Variants in POLE2 observed in about 807,000 individuals in gnomAD.
The protein encoded by POLE2 is DNA polymerase epsilon subunit 2.
POLE2 carries 56 observed loss-of-function variants against 79.4 expected under a neutral mutation model. The ratio of observed to expected loss-of-function variants is 0.71; its 90% CI spans 0.57 to 0.88. The LOEUF is 0.88. Among genes scored for constraint, POLE2 ranks in the 40% least tolerant of loss-of-function variants. The pLI, the probability that POLE2 is intolerant of heterozygous loss-of-function variation, is 0.00. For synonymous variants in POLE2, 212 were observed against 214.0 expected (o/e 0.99, Z 0.08); for missense variants, 598 against 638.9 (o/e 0.94, Z 0.69).
At chr14:49,674,624 T>C (rs1224090171) in intron 3 of POLE2, among the ~76,000 whole-genome samples, 197 bp from the exon 4 acceptor site, 1 of 152,216 alleles carries the variant, frequency 6.6e-6, no homozygotes, top group African/African-American at 2.4e-5. Context: ...TAGAGTGCAA[T>C]GGTGGGATAT....
At chr14:49,654,620 C>T (rs963617229) in intron 13 of POLE2, among the ~76,000 whole-genome samples, 164 bp downstream of exon 13, 1 of 152,110 alleles carries the variant, frequency 6.6e-6, no homozygotes, top group African/African-American at 2.4e-5. Flanking sequence ...TCATTATAAA[C>T]CTCTAGTACA....
At chr14:49,644,317 C>A (rs111231728) in intron 18 of POLE2, among the ~76,000 whole-genome samples, 113 of 150,906 alleles carry the variant, frequency 7.5e-4, no homozygotes, top group African/African-American at 2.6e-3. Flanking sequence ...TCGAGACCAG[C>A]CTGACCAACT....
At chr14:49,648,244 G>C (rs1883933959) in intron 17 of POLE2, among the ~76,000 whole-genome samples, 1 of 152,192 alleles carries the variant, frequency 6.6e-6, no homozygotes, top group African/African-American at 2.4e-5. Flanking sequence ...CCAACACCTA[G>C]CCTATGGCAG....
intron 6 of POLE2, 31 bp downstream of exon 6, chr14:49,669,493 A>C: frequency 9.9e-7 from 1 of 1,015,040 alleles, no homozygotes; most frequent in Non-Finnish European, 1.6e-6. Flanking sequence ...ACACACTTAT[A>C]CCCCCTACAT....
rs60811856 is a variant in POLE2 at position 49,687,300 on chromosome 14, CCACACACACACACACA to C, written c.68+820_68+835del. Among the ~76,000 whole-genome samples, 473 of 139,830 alleles carry C rather than the reference CCACACACACACACACA, an allele frequency of 3.4e-3. 3 individuals carry two copies. The highest frequency in any genetic ancestry group is 0.012 in the African/African-American group (454 of 37,510). The allele number at this position is 139,830 out of a possible 152,430, so 91.7% of individuals were successfully genotyped here. ...ATACATATATATATATACACACACA[CCACACACACACACACA>C]CACACACACACACACACACACGTAC... On this transcript the variant is annotated intron_variant, in intron 1 of 18. Transcript: ENST00000216367.
At chr14:49,653,285 G>C (rs992159443) in intron 15 of POLE2, among the ~76,000 whole-genome samples, 2 of 152,206 alleles carry the variant, frequency 1.3e-5, no homozygotes, top group Non-Finnish European at 2.9e-5. Context: ...GCCAGCAAAG[G>C]AGTGAATGTA....
intron 17 of POLE2, among the ~76,000 whole-genome samples, chr14:49,649,009 G>A (rs1386205804): frequency 6.6e-6 from 1 of 151,806 alleles, no homozygotes; most frequent in Admixed American, 6.6e-5. Context: ...AAATTCACAA[G>A]AATCAAGGAA....
Position 49,655,023 on chromosome 14 carries a change from G to C in POLE2, c.1000C>G (p.Gln334Glu). The C allele has an allele frequency of 6.3e-7, 1 of 1,575,066 alleles. No homozygotes were observed. The highest frequency in any genetic ancestry group is 2.3e-5 in the East Asian group (1 of 43,086). The change falls in exon 12 of 19, where the codon CAA becomes GAA. Residue 334 changes from glutamine (Q) to glutamate (E), a missense_variant. Coordinates refer to ENST00000216367, the MANE Select transcript of POLE2 (RefSeq NM_002692.4). ...TTAATACCTTTCAAAGCTTGAACTT[G>C]ATTTTTTCCATATGGTGCAGATGAA... ...NFSSAPYGKN[Q>E]VQALKDSLKT...
intron 9 of POLE2, among the ~76,000 whole-genome samples, chr14:49,663,703 G>A (rs1885256629): frequency 6.6e-6 from 1 of 151,968 alleles, no homozygotes; most frequent in African/African-American, 2.4e-5. Flanking sequence ...TTGAGGTATC[G>A]TTCACATACT....
At chr14:49,644,902 C>T (rs752543355) in intron 18 of POLE2, among the ~76,000 whole-genome samples, 9 of 151,698 alleles carry the variant, frequency 5.9e-5, no homozygotes, top group Non-Finnish European at 1.3e-4. Context: ...ATCAGCCAGG[C>T]GTGGTGGCAT....
intron 1 of POLE2, 152 bp downstream of exon 1, chr14:49,687,984 C>T (rs1304209509): frequency 1.6e-6 from 1 of 640,010 alleles, no homozygotes; most frequent in African/African-American, 1.9e-5. Flanking sequence ...AAGCGTGAGC[C>T]ACCGCGCCCG....
intron 18 of POLE2, among the ~76,000 whole-genome samples, chr14:49,644,779 C>T (rs1883640527): frequency 6.6e-6 from 1 of 151,930 alleles, no homozygotes; most frequent in Admixed American, 6.6e-5. Context: ...GTGGCTCATG[C>T]CTGTAATCCC....
chr14:49,667,212 T>C (rs1885552796), intron 6 of POLE2, among the ~76,000 whole-genome samples: 1 of 150,748 alleles, frequency 6.6e-6, no homozygotes, highest in African/African-American at 2.4e-5. Context: ...AACAAAAAAC[T>C]TTCCATCTTT....
At chr14:49,654,920 C>T in intron 12 of POLE2, 82 bp from the exon 13 acceptor site, 1 of 1,372,412 alleles carries the variant, frequency 7.3e-7, no homozygotes, top group East Asian at 2.8e-5. Flanking sequence ...CCTGTATATT[C>T]TTAATTAAAA....
chr14:49,688,086 C>T (rs371050961), intron 1 of POLE2, 50 bp downstream of exon 1: 1 of 1,415,060 alleles, frequency 7.1e-7, no homozygotes, highest in Middle Eastern at 1.7e-4. Flanking sequence ...ACCAGGCAGA[C>T]GGGCCCCAGC....
intron 2 of POLE2, among the ~76,000 whole-genome samples, chr14:49,682,586 G>A (rs1276088635): frequency 4.5e-5 from 6 of 132,514 alleles, no homozygotes; most frequent in East Asian, 2.3e-4. Flanking sequence ...GCAGTGAGCC[G>A]AAATAGCACC....
chr14:49,683,006 C>T (rs921612493), intron 2 of POLE2, among the ~76,000 whole-genome samples: 1 of 152,130 alleles, frequency 6.6e-6, no homozygotes, highest in Non-Finnish European at 1.5e-5. Flanking sequence ...GTGCAGGAAA[C>T]ATGGTGGTGA....
chr14:49,647,376 A>G lies in POLE2; in HGVS notation c.1498-16T>C, dbSNP rs368817983. ...GAAAAGAGCCCTTTGGGGGAGAAAA[A>G]TGCCTGTAAGTGAATGCTCAGACTT... On this transcript the variant is annotated splice_polypyrimidine_tract_variant and intron_variant, in intron 17 of 18. Coordinates refer to ENST00000216367, the MANE Select transcript of POLE2 (RefSeq NM_002692.4). 1.5e-5 allele frequency: 21 copies of G among 1,447,578 alleles called. No homozygotes were observed. Among genetic ancestry groups the G allele is most frequent in the Non-Finnish European group, 1.5e-5 (16 of 1,062,274 alleles). 89.7% of individuals were successfully genotyped at this position (1,447,578 alleles called of 1,614,324 possible).
At position 49,645,804 on chromosome 14, in the gene POLE2, G is replaced by C. The variant is rs140774123; in HGVS notation, c.1565+1489C>G. 2.5e-3 allele frequency among the ~76,000 whole-genome samples: 374 copies of C among 152,226 alleles called. 1 individual carries two copies. Among genetic ancestry groups the C allele is most frequent in the African/African-American group, 8.8e-3 (365 of 41,556 alleles). On this transcript the variant is annotated intron_variant, in intron 18 of 18. Transcript: ENST00000216367. ...GGCCACCACACCCAGCTAATTTTTT[G>C]TATTTTTTTGTAGAGAACAGGCCTT...
Sources: allele counts gnomAD v4.1 joint callset (sites outside exome capture counted in the v4.1 genomes callset), GRCh38; gene constraint gnomAD v4.1.1; transcripts MANE v1.5; gene names NCBI Gene and HGNC (gene_info 2026-07-23, HGNC 2026-07-21).